PKN3: variants seen among roughly 807,000 people sequenced by gnomAD.
The protein encoded by PKN3 is serine/threonine-protein kinase N3.
A neutral mutation model predicts 113.1 loss-of-function variants in PKN3; 91 were observed. The ratio of observed to expected loss-of-function variants is 0.80; its 90% confidence interval spans 0.68 to 0.96. The LOEUF (loss-of-function observed/expected upper bound fraction) is 0.96. PKN3 is among the 40% of genes least tolerant of loss of function. PKN3 has a pLI of 0.00. For missense variants in PKN3, 1,052 were observed against 1,202.2 expected (o/e 0.88, Z 1.85); for synonymous variants, 467 against 499.0 (o/e 0.94, Z 0.85).
chr9:128,708,160 C>T (rs1564371515), intron 6 of PKN3, among the ~76,000 whole-genome samples: 1 of 148,912 alleles, frequency 6.7e-6, no homozygotes, highest in Non-Finnish European at 1.5e-5. Context: ...GTGGGCGGAT[C>T]ACCTGAGGTC....
intron 6 of PKN3, among the ~76,000 whole-genome samples, chr9:128,707,663 C>T (rs940625457): frequency 2.0e-5 from 3 of 152,240 alleles, no homozygotes; most frequent in Admixed American, 1.3e-4. Flanking sequence ...AGTCAGCACT[C>T]GGACAGCGTA....
chr9:128,713,952 T>G, intron 9 of PKN3, 94 bp from the exon 10 acceptor site: 1 of 1,305,422 alleles, frequency 7.7e-7, no homozygotes, highest in East Asian at 2.3e-5. Flanking sequence ...CTGTTGACCC[T>G]GGGGGCTTGG....
At chr9:128,713,474 C>T in intron 8 of PKN3, 25 bp from the exon 9 acceptor site, 4 of 1,613,870 alleles carry the variant, frequency 2.5e-6, no homozygotes, top group Non-Finnish European at 3.4e-6. Context: ...GCACCCCACC[C>T]TTCAGCCTGG....
At chr9:128,703,398 A>T in intron 1 of PKN3, 1 of 985,340 alleles carries the variant, frequency 1.0e-6, no homozygotes, top group Non-Finnish European at 1.2e-6. Context: ...TCCTTCCCGG[A>T]GCACAGGAGG....
At chr9:128,717,005 C>A (rs1589491346) in intron 16 of PKN3, 82 bp downstream of exon 16, 1 of 1,194,784 alleles carries the variant, frequency 8.4e-7, no homozygotes, top group Non-Finnish European at 1.2e-6. Flanking sequence ...CTGCTTTCTC[C>A]AAGTGCCCAA....
At chr9:128,708,407 GAA>G (rs1032679213) in intron 6 of PKN3, among the ~76,000 whole-genome samples, 1 of 151,248 alleles carries the variant, frequency 6.6e-6, no homozygotes, top group East Asian at 1.9e-4. Context: ...AATTTCCTTG[GAA>G]AAAAAATAAT....
rs756220024 is a variant in PKN3 at position 128,714,788 on chromosome 9, A to G, written c.1585-10A>G. The G allele has an allele frequency of 1.4e-5, 22 of 1,613,174 alleles. No homozygotes were observed. In the Admixed American group the frequency reaches 2.3e-4, roughly 17 times the overall value. ...GCCCAGCCCTGCCCTGAGCTCCTCT[A>G]TACTCACAGCGCACCAAACGTCCCC... is the stretch of plus-strand genomic sequence containing the variant. On this transcript the variant is annotated splice_polypyrimidine_tract_variant and intron_variant, in intron 12 of 21. Transcript: ENST00000291906.
intron 3 of PKN3, among the ~76,000 whole-genome samples, chr9:128,706,357 G>C (rs777146119): frequency 6.6e-6 from 1 of 151,684 alleles, no homozygotes. Flanking sequence ...GATGGGGGAA[G>C]CATCAACCCT....
At chr9:128,717,072 A>G in intron 16 of PKN3, 149 bp downstream of exon 16, 1 of 457,096 alleles carries the variant, frequency 2.2e-6, no homozygotes, top group Non-Finnish European at 3.9e-6. Flanking sequence ...AACTGACAGC[A>G]TTTGTGATCC....
At chr9:128,716,002 TAA>T (rs1276218034) in intron 15 of PKN3, among the ~76,000 whole-genome samples, 2 of 115,844 alleles carry the variant, frequency 1.7e-5, no homozygotes. Context: ...AAAAACTAAT[TAA>T]AAAAAAAAAA....
chr9:128,708,707 G>C (rs1862092014), intron 6 of PKN3, among the ~76,000 whole-genome samples: 1 of 152,086 alleles, frequency 6.6e-6, no homozygotes, highest in South Asian at 2.1e-4. Context: ...GCCGGGCGTG[G>C]TGGCGCATGC....
rs558969022 is a variant in PKN3 at position 128,702,930 on chromosome 9, G to A, written c.15G>A (p.Ala5=). MEEG[A]PRQPGPSQWP... is the part of the protein sequence containing the mutation. ...GGAGCGGCGCCATGGAGGAGGGGGC[G>A]CCGCGGCAGGTGAACGGCGTGGGAG... Residue 5 remains alanine, a synonymous_variant, in exon 1 of 22, where the codon GCG becomes GCA. Coordinates refer to ENST00000291906, the MANE Select transcript of PKN3 (RefSeq NM_013355.5). 4 of 1,460,478 alleles carry A rather than the reference G, an allele frequency of 2.7e-6. No individual in the cohort carries two copies. Among genetic ancestry groups the A allele is most frequent in the South Asian group, 2.6e-5 (2 of 76,362 alleles). 90.5% of individuals were successfully genotyped at this position (1,460,478 alleles called of 1,614,324 possible).
intron 6 of PKN3, chr9:128,709,704 A>G (rs985219636): frequency 4.0e-5 from 6 of 151,500 alleles, no homozygotes; most frequent in Admixed American, 3.3e-4. Context: ...GTGAGCCAAG[A>G]TGGCACCATT....
chr9:128,708,183 C>G lies in PKN3; in HGVS notation c.835+778C>G, dbSNP rs574304109. On this transcript the variant is annotated intron_variant, in intron 6 of 21. Transcript: ENST00000291906. ...ATCACCTGAGGTCAGGAGTTCAAGACCAGCCTGGCCAACATGGTGAAATCC... is the reference window on the plus strand; with the variant it reads ...ATCACCTGAGGTCAGGAGTTCAAGAGCAGCCTGGCCAACATGGTGAAATCC... Among the ~76,000 whole-genome samples, 16 of 151,632 alleles carry G rather than the reference C, an allele frequency of 1.1e-4. No homozygotes were observed. In the East Asian group the frequency reaches 2.5e-3, roughly 24 times the overall value.
In PKN3 at chr9:128,707,328, T is replaced by C; in HGVS notation, c.758T>C (p.Val253Ala). ...CCTGCCCACCCTTTGCGCAGCAGAGTGACCCGAGAGTTGCGGGCTGCGGTG... is the reference window on the plus strand; with the variant it reads ...CCTGCCCACCCTTTGCGCAGCAGAGCGACCCGAGAGTTGCGGGCTGCGGTG... ...LPPAHPLRSR[V>A]TRELRAAVPG... Residue 253 changes from valine to alanine, a missense_variant, in exon 6 of 22, where the codon GTG (valine) becomes GCG (alanine). Physicochemically the swap from Val to Ala is moderately conservative, Grantham distance 64. Around this residue, in one of 2 missense-constraint regions of PKN3, gnomAD observed 719 missense variants for 759.4 expected, o/e 0.95. Coordinates refer to ENST00000291906, the MANE Select transcript of PKN3 (RefSeq NM_013355.5). The C allele has an allele frequency of 1.2e-6, 2 of 1,613,918 alleles. No individual in the cohort carries two copies. Among genetic ancestry groups the C allele is most frequent in the African/African-American group, 2.7e-5 (2 of 75,052 alleles).
At chr9:128,705,918 C>A in intron 3 of PKN3, 39 bp downstream of exon 3, 1 of 1,525,306 alleles carries the variant, frequency 6.6e-7, no homozygotes, top group Non-Finnish European at 8.8e-7. Context: ...CACCCTGGCC[C>A]CTGGTCTGAC....
At chr9:128,718,718 C>A in intron 18 of PKN3, 93 bp downstream of exon 18, 2 of 1,211,322 alleles carry the variant, frequency 1.7e-6, no homozygotes, top group South Asian at 1.2e-5. Context: ...CAGGAAATCT[C>A]CTCACCTGCG....
Position 128,714,110 on chromosome 9 carries a change from C to T in PKN3, c.1301C>T (p.Ser434Phe). Residue 434 changes from serine (S) to phenylalanine (F), a missense_variant, in exon 10 of 22, where the codon TCT (serine) becomes TTT (phenylalanine). By Grantham distance (155) the Ser-to-Phe change is radical. Around this residue, in one of 2 missense-constraint regions of PKN3, gnomAD observed 719 missense variants for 759.4 expected, o/e 0.95. Coordinates refer to ENST00000291906, the MANE Select transcript of PKN3 (RefSeq NM_013355.5). ...CTGCAGAGGCAGGAACGCATCTTCT[C>T]TAAACGCAGAGGTGTGGAGGGAATG... ...PRLQRQERIF[S>F]KRRGQDFLRA... 2 of 1,614,102 alleles carry T rather than the reference C, an allele frequency of 1.2e-6. No homozygotes were observed. Among genetic ancestry groups the T allele is most frequent in the Admixed American group, 1.7e-5 (1 of 60,018 alleles).
In PKN3 at chr9:128,720,899, A is replaced by G. The variant is rs1326643828; in HGVS notation, c.*293A>G. ...CTTTTTAAGACTGGACTTGCTTTAT[A>G]TTAAATTTGTAAAAGTGTGCACTGG... On this transcript the variant is annotated 3_prime_UTR_variant, in exon 22 of 22. Coordinates refer to ENST00000291906, the MANE Select transcript of PKN3 (RefSeq NM_013355.5). This position sits in a 1 kb window ranked among gnomAD's most constrained non-coding sequence, Gnocchi z 5.5. 1 of 575,672 alleles carries G rather than the reference A, an allele frequency of 1.7e-6. No homozygotes were observed. Among genetic ancestry groups the G allele is most frequent in the Non-Finnish European group, 3.1e-6 (1 of 326,802 alleles). 35.7% of individuals were successfully genotyped at this position (575,672 alleles called of 1,614,324 possible).
Sources: gnomAD v4.1 joint callset for allele counts (sites outside exome capture counted in the v4.1 genomes callset) on GRCh38, gnomAD v4.1.1 for gene constraint, gnomAD v4.1.1 regional missense constraint, Gnocchi (gnomAD v3.1) non-coding constraint, MANE v1.5 for transcripts, NCBI Gene and HGNC (gene_info 2026-07-23, HGNC 2026-07-21) for gene names.